The following CACHD1 variants were observed in gnomAD, a reference collection of about 807,000 sequenced individuals.
CACHD1 encodes cache domain containing 1.
A neutral mutation model predicts 138.7 loss-of-function variants in CACHD1; 71 were observed. The observed-to-expected ratio is 0.51, with a 90% CI of 0.42 to 0.62. The LOEUF is 0.62. CACHD1 is among the 20% of genes least tolerant of loss of function. CACHD1 has a pLI of 0.00. For synonymous variants in CACHD1, 578 were observed against 591.5 expected, an observed-to-expected ratio of 0.98 and a Z score of 0.33; for missense variants, 1,389 against 1,625.3, an observed-to-expected ratio of 0.85 and a Z score of 2.50.
intron 4 of CACHD1, among the ~76,000 whole-genome samples, chr1:64,618,483 C>T (rs182066295): frequency 1.2e-4 from 19 of 152,228 alleles, no homozygotes; most frequent in Non-Finnish European, 2.5e-4. Context: ...AATTAACTGA[C>T]GTAATGTAGA....
chr1:64,616,958 A>G (rs1019285429), intron 4 of CACHD1, among the ~76,000 whole-genome samples: 1 of 152,022 alleles, frequency 6.6e-6, no homozygotes, highest in Non-Finnish European at 1.5e-5. Flanking sequence ...ATAACTTAGG[A>G]TATAGGAATG....
Position 64,632,660 on chromosome 1 carries a change from G to A in CACHD1, c.706G>A (p.Gly236Arg), listed in dbSNP as rs1279729444. ...GCACATAGTAGTGATTCTGGACCAC[G>A]GGGCTTCAGTCACAGACACTCAGCT... ...SKHIVVILDHGASVTDTQLQI... is the reference protein window; with the variant it reads ...SKHIVVILDHRASVTDTQLQI... The change falls in exon 6 of 27, where the codon GGG (glycine) becomes AGG (arginine). Residue 236 changes from glycine (G) to arginine (R), a missense_variant. Transcript: ENST00000651257. 4.3e-6 allele frequency: 7 copies of A among 1,613,968 alleles called. No individual in the cohort carries two copies. Among genetic ancestry groups the A allele is most frequent in the African/African-American group, 1.3e-5 (1 of 74,904 alleles).
At chr1:64,684,583 A>G (rs1257695469) in intron 26 of CACHD1, among the ~76,000 whole-genome samples, 1 of 151,954 alleles carries the variant, frequency 6.6e-6, no homozygotes, top group African/African-American at 2.4e-5. Context: ...ATAAAGCAAA[A>G]AAGTTACAGT....
chr1:64,651,685 G>T (rs1253108698), intron 9 of CACHD1, among the ~76,000 whole-genome samples: 1 of 152,132 alleles, frequency 6.6e-6, no homozygotes, highest in Non-Finnish European at 1.5e-5. Flanking sequence ...ATTAACAGAT[G>T]TGTGAACCAA....
At chr1:64,490,229 C>G (rs1268492223) in intron 1 of CACHD1, among the ~76,000 whole-genome samples, 24 of 152,198 alleles carry the variant, frequency 1.6e-4, no homozygotes, top group Admixed American at 1.6e-3. Context: ...GCAGCCCTCT[C>G]TCTGGTACTG....
At position 64,614,011 on chromosome 1, in the gene CACHD1, T is replaced by C. The variant is rs573913010; in HGVS notation, c.517+11099T>C. Among the ~76,000 whole-genome samples, 205 of 152,372 alleles carry C rather than the reference T, an allele frequency of 1.3e-3. 1 individual carries two copies. Among genetic ancestry groups the C allele is most frequent in the African/African-American group, 4.7e-3 (196 of 41,590 alleles). On this transcript the variant is annotated intron_variant, in intron 4 of 26. Coordinates refer to ENST00000651257, the MANE Select transcript of CACHD1 (RefSeq NM_020925.4). ...GCTCCCCAGTCTGGGTTCCCTGTCA[T>C]ATTCAGTATTACCTTCATTCTGGTT... is the stretch of plus-strand genomic sequence containing the variant.
chr1:64,574,837 G>A (rs957817442), intron 2 of CACHD1, among the ~76,000 whole-genome samples: 1 of 152,144 alleles, frequency 6.6e-6, no homozygotes, highest in African/African-American at 2.4e-5. Flanking sequence ...AATGACAGCT[G>A]AATTTAACTG....
chr1:64,613,868 A>G (rs17126766), intron 4 of CACHD1, among the ~76,000 whole-genome samples: 17,128 of 152,104 alleles, frequency 0.11, 1,166 homozygotes, highest in Admixed American at 0.17. Context: ...TGAATTCACA[A>G]TCTCTAGCTC....
chr1:64,681,398 C>A, intron 25 of CACHD1, 63 bp downstream of exon 25: 1 of 1,286,574 alleles, frequency 7.8e-7, no homozygotes, highest in Non-Finnish European at 1.1e-6. Flanking sequence ...AATAAATATT[C>A]TTTCTTATAT....
intron 1 of CACHD1, among the ~76,000 whole-genome samples, chr1:64,503,275 A>G (rs943419495): frequency 1.4e-4 from 21 of 152,242 alleles, no homozygotes; most frequent in Admixed American, 4.6e-4. Context: ...TAATCCCCAG[A>G]TAAAACACTC....
intron 1 of CACHD1, among the ~76,000 whole-genome samples, chr1:64,507,335 G>T (rs1252338380): frequency 6.6e-6 from 1 of 152,156 alleles, no homozygotes; most frequent in African/African-American, 2.4e-5. Context: ...TACATTCCTT[G>T]GGGCCAGGGA....
chr1:64,539,103 T>C (rs1182959164), intron 1 of CACHD1, among the ~76,000 whole-genome samples: 2 of 152,274 alleles, frequency 1.3e-5, no homozygotes, highest in East Asian at 3.9e-4. Flanking sequence ...AAGATGATGC[T>C]GTTCATTTGG....
At chr1:64,574,366 A>G (rs960770921) in intron 2 of CACHD1, among the ~76,000 whole-genome samples, 1 of 152,170 alleles carries the variant, frequency 6.6e-6, no homozygotes, top group Non-Finnish European at 1.5e-5. Context: ...GGTGAAATGC[A>G]ACAACACAAG....
chr1:64,486,426 G>A lies in CACHD1; in HGVS notation c.198+15484G>A, dbSNP rs530793702. ...CACACACACACATACACACACACAC[G>A]TATTCAGATGTGTTTTTTATCTTCC... On this transcript the variant is annotated intron_variant, in intron 1 of 26. Transcript: ENST00000651257. Among the ~76,000 whole-genome samples, 4 of 149,678 alleles carry A rather than the reference G, an allele frequency of 2.7e-5. No homozygotes were observed. In the East Asian group the frequency reaches 5.9e-4, roughly 22 times the overall value.
intron 26 of CACHD1, 78 bp downstream of exon 26, chr1:64,682,184 G>C: frequency 7.5e-7 from 1 of 1,329,236 alleles, no homozygotes; most frequent in East Asian, 2.3e-5. Context: ...ACCCTATTTT[G>C]ACATGGTTTT....
chr1:64,597,479 C>CAGTTGTTCA (rs1216762627), intron 3 of CACHD1, among the ~76,000 whole-genome samples: 1 of 143,566 alleles, frequency 7.0e-6, no homozygotes, highest in Non-Finnish European at 1.5e-5. Flanking sequence ...CAGTTTCGAT[C>CAGTTGTTCA]AGTTGTTCAT....
At chr1:64,595,998 A>G (rs1647148061) in intron 3 of CACHD1, among the ~76,000 whole-genome samples, 1 of 152,192 alleles carries the variant, frequency 6.6e-6, no homozygotes, top group Non-Finnish European at 1.5e-5. Flanking sequence ...TATCACTCCA[A>G]TCTCTGCAGA....
At chr1:64,612,046 AC>A (rs1557519043) in intron 4 of CACHD1, among the ~76,000 whole-genome samples, 1 of 152,160 alleles carries the variant, frequency 6.6e-6, no homozygotes, top group African/African-American at 2.4e-5. Flanking sequence ...GAACTGCCAA[AC>A]ACTTAATGCA....
At chr1:64,544,300 T>C (rs1485622777) in intron 1 of CACHD1, among the ~76,000 whole-genome samples, 1 of 152,214 alleles carries the variant, frequency 6.6e-6, no homozygotes, top group Non-Finnish European at 1.5e-5. Context: ...ATTTCTTTGC[T>C]GTGGTATTCT....
Sources: gnomAD v4.1 joint callset for allele counts (sites outside exome capture counted in the v4.1 genomes callset) on GRCh38, gnomAD v4.1.1 for gene constraint, MANE v1.5 for transcripts, NCBI Gene and HGNC (gene_info 2026-07-23, HGNC 2026-07-21) for gene names.